CALN1: variants seen among roughly 807,000 people sequenced by gnomAD.
The protein encoded by CALN1 is calneuron 1, also known as calcium-binding protein 8.
Under a neutral mutation model 30.6 loss-of-function variants are expected in CALN1, and 17 were observed. The ratio of observed to expected loss-of-function variants is 0.56; its 90% CI spans 0.38 to 0.83. The LOEUF is 0.83. CALN1 is among the 40% of genes least tolerant of loss of function. The probability of loss-of-function intolerance (pLI) is 0.00; values close to 1 mark genes in which losing one functional copy is unlikely to be tolerated. For synonymous variants in CALN1, 156 were observed against 131.4 expected (o/e 1.19, Z -1.28); for missense variants, 291 against 354.9 (o/e 0.82, Z 1.45).
intron 3 of CALN1, among the ~76,000 whole-genome samples, chr7:72,128,596 T>C (rs1344001813): frequency 5.9e-5 from 9 of 152,146 alleles, no homozygotes; most frequent in African/African-American, 1.7e-4. Flanking sequence ...ACGGGCCAGG[T>C]GCAGTGGCTC....
intron 3 of CALN1, among the ~76,000 whole-genome samples, chr7:72,162,082 G>C (rs1399160045): frequency 6.6e-6 from 1 of 151,498 alleles, no homozygotes; most frequent in Non-Finnish European, 1.5e-5. Flanking sequence ...CTATAAGACA[G>C]AGACAAACTT....
intron 3 of CALN1, among the ~76,000 whole-genome samples, chr7:72,143,481 G>A (rs1023303652): frequency 3.9e-5 from 6 of 152,196 alleles, no homozygotes; most frequent in Non-Finnish European, 7.4e-5. Flanking sequence ...TATGTGAAAA[G>A]ACCAAATCTA....
At chr7:71,868,259 G>A (rs1791704642) in intron 5 of CALN1, among the ~76,000 whole-genome samples, 2 of 152,264 alleles carry the variant, frequency 1.3e-5, no homozygotes, top group South Asian at 2.1e-4. Context: ...GAAGCATGGA[G>A]GCTTCTGCTC....
chr7:72,249,936 C>CA (rs1397940966), intron 3 of CALN1, among the ~76,000 whole-genome samples: 15 of 48,868 alleles, frequency 3.1e-4, no homozygotes, highest in African/African-American at 1.2e-3. Flanking sequence ...GACCCTATCT[C>CA]AAAACAAACC....
At position 72,084,851 on chromosome 7, in the gene CALN1, T is replaced by C. The variant is rs75553941; in HGVS notation, c.388+21300A>G. Among the ~76,000 whole-genome samples, 209 of 152,264 alleles carry C rather than the reference T, an allele frequency of 1.4e-3. 3 individuals carry two copies. In the East Asian group the frequency reaches 0.02, roughly 15 times the overall value. ...CTGGTCAACTGCGGTTGGAAAATAT[T>C]AAATGGAAAATTCCAGATATAAACA... On this transcript the variant is annotated intron_variant, in intron 4 of 6. Transcript: ENST00000395275.
intron 2 of CALN1, among the ~76,000 whole-genome samples, chr7:72,380,895 A>G (rs1804859953): frequency 6.6e-6 from 1 of 152,148 alleles, no homozygotes; most frequent in African/African-American, 2.4e-5. Flanking sequence ...GGTCACCCTA[A>G]AAGGATGCAG....
chr7:71,971,943 AAAAAAAAAAAAAAG>A lies in CALN1; in HGVS notation c.501+51700_501+51713del. On this transcript the variant is annotated intron_variant, in intron 5 of 6. Coordinates refer to ENST00000395275, the MANE Select transcript of CALN1 (RefSeq NM_031468.4). ...GGGACCCTGTCTCAAAAAAAAAAAA[AAAAAAAAAAAAAAG>A]AAAGAAAGAAAGAAAGAAAGAAAGA... Among the ~76,000 whole-genome samples the A allele has an allele frequency of 2.4e-5, 3 of 126,672 alleles. 1 individual carries two copies. In the South Asian group the frequency reaches 7.9e-4, roughly 33 times the overall value. 83.1% of individuals were successfully genotyped at this position (126,672 alleles called of 152,430 possible).
At chr7:72,205,551 A>AATATATATATATATAT (rs1554319583) in intron 3 of CALN1, among the ~76,000 whole-genome samples, 5 of 83,030 alleles carry the variant, frequency 6.0e-5, no homozygotes, top group South Asian at 4.8e-4. Context: ...GCAAAAAAAA[A>AATATATATATATATAT]ATATATATAT....
intron 5 of CALN1, among the ~76,000 whole-genome samples, chr7:71,906,578 T>A (rs1225727538): frequency 6.6e-6 from 1 of 152,142 alleles, no homozygotes; most frequent in East Asian, 1.9e-4. Context: ...AGGCACTGGG[T>A]ATCACCGATG....
At chr7:72,077,726 G>T (rs115187976) in intron 4 of CALN1, among the ~76,000 whole-genome samples, 3,281 of 152,324 alleles carry the variant, frequency 0.022, 108 homozygotes, top group African/African-American at 0.074. Context: ...GGGGACAAAT[G>T]ACACTGGTGA....
upstream of CALN1, among the ~76,000 whole-genome samples, chr7:72,414,344 C>A (rs191992190): frequency 3.1e-4 from 47 of 152,262 alleles, no homozygotes; most frequent in African/African-American, 1.1e-3. Context: ...CCTGATCAAC[C>A]CCTAGTTCAC....
Position 72,329,274 on chromosome 7 carries a change from C to T in CALN1, c.120-50464G>A, listed in dbSNP as rs544007014. Among the ~76,000 whole-genome samples, 10 of 152,348 alleles carry T rather than the reference C, an allele frequency of 6.6e-5. No homozygotes were observed. In the East Asian group the frequency reaches 1.7e-3, roughly 26 times the overall value. ...CTCCATCTGTTACTGTTAAACACTA[C>T]ATTTTATTTTACACTCTGATGGATA... On this transcript the variant is annotated intron_variant, in intron 2 of 6. Transcript: ENST00000395275.
At chr7:72,476,168 C>T in the CALN1 span, among the ~76,000 whole-genome samples, 30 of 151,988 alleles carry the variant, frequency 2.0e-4, no homozygotes, top group South Asian at 4.2e-3. Flanking sequence ...AGGCTGGTCT[C>T]GAACTCCTGA....
intron 2 of CALN1, among the ~76,000 whole-genome samples, chr7:72,345,413 G>A (rs112574348): frequency 4.2e-5 from 6 of 143,948 alleles, no homozygotes; most frequent in African/African-American, 1.0e-4. Flanking sequence ...AAAGAAAGAA[G>A]AGAAAGGAAA....
rs10682965 is a variant in CALN1, at chr7:71,809,464, C to CA, written c.658+871dup. Reference sequence around the variant, plus strand: ...ATGTATACTGACTTATTTAAATGTTCAAAAAAAAAAAAAAGAAAAGAAAAG... The same window carrying CA: ...ATGTATACTGACTTATTTAAATGTTCAAAAAAAAAAAAAAAGAAAAGAAAAG... On this transcript the variant is annotated intron_variant, in intron 6 of 6. Coordinates refer to ENST00000395275, the MANE Select transcript of CALN1 (RefSeq NM_031468.4). Among the ~76,000 whole-genome samples, 29 of 108,354 alleles carry CA rather than the reference C, an allele frequency of 2.7e-4. 1 individual carries two copies. Among genetic ancestry groups the CA allele is most frequent in the Non-Finnish European group, 4.6e-4 (26 of 56,434 alleles). The allele number at this position is 108,354 out of a possible 152,430, so 71.1% of individuals were successfully genotyped here.
chr7:71,845,484 C>T lies in CALN1; in HGVS notation c.502-34992G>A, dbSNP rs559503647. On this transcript the variant is annotated intron_variant, in intron 5 of 6. Transcript: ENST00000395275. ...GCTCCTGGCAGCTTGGCTTTGTTCA[C>T]GGCCCAAGCCCTGGTCTCTCCTCTT... Among the ~76,000 whole-genome samples, 52 of 152,310 alleles carry T rather than the reference C, an allele frequency of 3.4e-4. 1 individual carries two copies. The highest frequency in any genetic ancestry group is 2.9e-3 in the Admixed American group (44 of 15,288).
In CALN1 at chr7:71,787,669, C is replaced by T; in HGVS notation, c.*106G>A. The T allele has an allele frequency of 6.7e-7, 1 of 1,484,166 alleles. No homozygotes were observed. Among genetic ancestry groups the T allele is most frequent in the Non-Finnish European group, 9.1e-7 (1 of 1,102,224 alleles). 91.9% of individuals were successfully genotyped at this position (1,484,166 alleles called of 1,614,324 possible). A position where few individuals can be genotyped will look rare whatever the true frequency, so the allele number is the denominator to read the frequency against. On this transcript the variant is annotated 3_prime_UTR_variant, in exon 7 of 7. Coordinates refer to ENST00000395275, the MANE Select transcript of CALN1 (RefSeq NM_031468.4). ...TACTGAACGGTTCCATCGTCCGCAT[C>T]CATCCATAGTCCATAGGTCCGTGTC... is the stretch of plus-strand genomic sequence containing the variant.
chr7:72,261,890 G>A (rs777796176), intron 3 of CALN1, among the ~76,000 whole-genome samples: 3 of 152,178 alleles, frequency 2.0e-5, no homozygotes, highest in Non-Finnish European at 4.4e-5. Flanking sequence ...ACCAGATGAC[G>A]TTAGGGAAAC....
intron 3 of CALN1, among the ~76,000 whole-genome samples, chr7:72,125,255 T>C (rs2129542469): frequency 6.6e-6 from 1 of 152,314 alleles, no homozygotes; most frequent in African/African-American, 2.4e-5. Context: ...CCTCAAGTGA[T>C]CCGCCTGCCT....
Sources: gnomAD v4.1 joint callset for allele counts (sites outside exome capture counted in the v4.1 genomes callset) on GRCh38, gnomAD v4.1.1 for gene constraint, MANE v1.5 for transcripts, NCBI Gene and HGNC (gene_info 2026-07-23, HGNC 2026-07-21) for gene names.